ASAP1: variants seen among roughly 807,000 people sequenced by gnomAD.
ASAP1 encodes the protein ArfGAP with SH3 domain, ankyrin repeat and PH domain 1.
ASAP1 carries 43 observed loss-of-function variants against 145.2 expected under a neutral mutation model. That is an observed-to-expected ratio of 0.30 (90% CI 0.23 to 0.38). ASAP1 has a LOEUF of 0.38. ASAP1 is among the 10% of genes least tolerant of loss of function. ASAP1 has a pLI of 1.00. For synonymous variants in ASAP1, 546 were observed against 515.5 expected, an observed-to-expected ratio of 1.06 and a Z score of -0.80; for missense variants, 1,018 against 1,355.3, an observed-to-expected ratio of 0.75 and a Z score of 3.91.
At chr8:130,184,050 G>A (rs138889354) in intron 7 of ASAP1, among the ~76,000 whole-genome samples, 2,272 of 152,268 alleles carry the variant, frequency 0.015, 30 homozygotes, top group African/African-American at 0.038. Flanking sequence ...GAGCAGATAA[G>A]AATTCACAGA....
intron 1 of ASAP1, among the ~76,000 whole-genome samples, chr8:130,437,521 T>C (rs11776768): frequency 0.035 from 5,280 of 152,298 alleles, 125 homozygotes; most frequent in Middle Eastern, 0.082. Context: ...CACTGAGCCA[T>C]CCTGCATCCC....
At chr8:130,111,306 T>C (rs2097546443) in intron 24 of ASAP1, among the ~76,000 whole-genome samples, 2 of 150,420 alleles carry the variant, frequency 1.3e-5, no homozygotes, top group African/African-American at 4.9e-5. Context: ...TCAGGATCAC[T>C]TGAGCCCCGG....
At chr8:130,279,368 C>T (rs926693469) in intron 3 of ASAP1, among the ~76,000 whole-genome samples, 3 of 152,118 alleles carry the variant, frequency 2.0e-5, no homozygotes, top group Non-Finnish European at 4.4e-5. Context: ...CACATGGAGT[C>T]TTGAATATGG....
At chr8:130,261,389 C>T (rs1045780440) in intron 3 of ASAP1, among the ~76,000 whole-genome samples, 2 of 152,192 alleles carry the variant, frequency 1.3e-5, no homozygotes, top group South Asian at 2.1e-4. Flanking sequence ...CTACTTGCAC[C>T]TAATGTGATG....
At chr8:130,357,284 G>A (rs1826377533) in intron 3 of ASAP1, among the ~76,000 whole-genome samples, 1 of 151,480 alleles carries the variant, frequency 6.6e-6, no homozygotes, top group Non-Finnish European at 1.5e-5. Flanking sequence ...TCCCTTCTCC[G>A]TGTCTGGTCA....
intron 12 of ASAP1, among the ~76,000 whole-genome samples, chr8:130,156,639 C>T (rs1586467017): frequency 6.6e-6 from 1 of 152,116 alleles, no homozygotes; most frequent in East Asian, 1.9e-4. Context: ...CAGCAGTGGC[C>T]CTTTTGAAAA....
intron 23 of ASAP1, among the ~76,000 whole-genome samples, chr8:130,112,594 G>A (rs1002586595): frequency 6.6e-6 from 1 of 152,226 alleles, no homozygotes; most frequent in Non-Finnish European, 1.5e-5. Context: ...AAGGTCACAG[G>A]TAGATTTAAC....
At chr8:130,249,903 C>T (rs919026594) in intron 3 of ASAP1, among the ~76,000 whole-genome samples, 3 of 152,076 alleles carry the variant, frequency 2.0e-5, no homozygotes, top group Non-Finnish European at 4.4e-5. Context: ...TGCAAGACTA[C>T]ACCAATCTGC....
At chr8:130,279,067 C>T (rs749463176) in intron 3 of ASAP1, among the ~76,000 whole-genome samples, 17 of 152,122 alleles carry the variant, frequency 1.1e-4, no homozygotes, top group Non-Finnish European at 1.5e-4. Context: ...ATGTCTACCA[C>T]GGGACAGAAC....
chr8:130,106,130 T>C (rs912160860), intron 24 of ASAP1, among the ~76,000 whole-genome samples: 3 of 152,072 alleles, frequency 2.0e-5, no homozygotes, highest in Admixed American at 2.0e-4. Flanking sequence ...TCACGTGCAA[T>C]GCCTTACAAA....
intron 1 of ASAP1, among the ~76,000 whole-genome samples, chr8:130,409,292 T>G (rs1829166556): frequency 6.6e-6 from 1 of 151,550 alleles, no homozygotes; most frequent in African/African-American, 2.4e-5. Flanking sequence ...TCCTCTCCTG[T>G]GGTGATTCTT....
intron 3 of ASAP1, among the ~76,000 whole-genome samples, chr8:130,287,202 G>A (rs1040839357): frequency 6.7e-6 from 1 of 150,308 alleles, no homozygotes; most frequent in Non-Finnish European, 1.5e-5. Flanking sequence ...TATATTGCCT[G>A]TCCAAAGCAC....
chr8:130,098,747 A>G (rs2097523498), intron 24 of ASAP1, among the ~76,000 whole-genome samples: 1 of 152,232 alleles, frequency 6.6e-6, no homozygotes, highest in African/African-American at 2.4e-5. Flanking sequence ...AGGGTAGCTA[A>G]TATCCATCAT....
At chr8:130,117,076 G>T in intron 20 of ASAP1, 81 bp from the exon 21 acceptor site, 1 of 904,008 alleles carries the variant, frequency 1.1e-6, no homozygotes, top group Non-Finnish European at 1.7e-6. Context: ...TTTTTGTGCT[G>T]ACAACTGAGT....
rs113293903 is a variant in ASAP1, at chr8:130,188,052, GA to G, written c.480+56del. The stretch of plus-strand genomic sequence containing the variant: ...AAGTACTACTATGATCTTGAAAGAG[GA>G]AAAAAAAAATTAATCCTTTCAAGTT... On this transcript the variant is annotated intron_variant, in intron 6 of 29. Coordinates refer to ENST00000518721, the MANE Select transcript of ASAP1 (RefSeq NM_018482.4). 1.1e-3 allele frequency: 1,394 copies of G among 1,223,138 alleles called. 2 individuals are homozygous for G. The highest frequency in any genetic ancestry group is 5.3e-3 in the African/African-American group (350 of 65,818). 75.8% of individuals were successfully genotyped at this position (1,223,138 alleles called of 1,614,324 possible).
At chr8:130,213,411 G>A (rs961402275) in intron 5 of ASAP1, among the ~76,000 whole-genome samples, 5 of 152,190 alleles carry the variant, frequency 3.3e-5, no homozygotes, top group Non-Finnish European at 7.3e-5. Context: ...ATGGAGTGTA[G>A]AAAGGTAGTT....
At chr8:130,078,390 G>T (rs1158377434) in intron 26 of ASAP1, among the ~76,000 whole-genome samples, 2 of 152,030 alleles carry the variant, frequency 1.3e-5, no homozygotes, top group Non-Finnish European at 2.9e-5. Flanking sequence ...AATTTCCTGG[G>T]CTCAGGCGGT....
chr8:130,134,399 G>A, intron 14 of ASAP1, 55 bp from the exon 15 acceptor site: 7 of 1,159,994 alleles, frequency 6.0e-6, no homozygotes, highest in Non-Finnish European at 8.5e-6. Context: ...GGTACTTTCA[G>A]GTACAACACA....
intron 13 of ASAP1, among the ~76,000 whole-genome samples, chr8:130,150,504 A>G (rs556175332): frequency 6.6e-6 from 1 of 152,310 alleles, no homozygotes; most frequent in East Asian, 1.9e-4. Context: ...TAACTTCTCA[A>G]AATGCCTAGT....
Sources: allele counts gnomAD v4.1 joint callset (sites outside exome capture counted in the v4.1 genomes callset), GRCh38; gene constraint gnomAD v4.1.1; transcripts MANE v1.5; gene names NCBI Gene and HGNC (gene_info 2026-07-23, HGNC 2026-07-21).